Variants in KGD4 observed in about 807,000 individuals in gnomAD.
KGD4 encodes alpha-ketoglutarate dehydrogenase component 4.
At chr5:69,226,808 A>G in the KGD4 span, among the ~76,000 whole-genome samples, 1 of 152,072 alleles carries the variant, frequency 6.6e-6, no homozygotes, top group African/African-American at 2.4e-5. Context: ...AGATCATGCC[A>G]CTGCACTCCA....
the KGD4 span, among the ~76,000 whole-genome samples, chr5:69,225,359 G>A: frequency 8.9e-4 from 134 of 149,776 alleles, no homozygotes; most frequent in African/African-American, 3.1e-3. Flanking sequence ...TGCCTCCTGC[G>A]TTCAAGCGAT....
chr5:69,223,826 C>T, the KGD4 span, among the ~76,000 whole-genome samples: 41 of 151,318 alleles, frequency 2.7e-4, 1 homozygote, highest in South Asian at 2.1e-4. Context: ...TTTGGGAGGC[C>T]GTTCGAAACC....
the KGD4 span, among the ~76,000 whole-genome samples, chr5:69,219,305 C>CACAT: frequency 6.6e-6 from 1 of 152,090 alleles, no homozygotes; most frequent in Non-Finnish European, 1.5e-5. Context: ...GAAGTGAATG[C>CACAT]ACATACTGTC....
the KGD4 span, among the ~76,000 whole-genome samples, chr5:69,224,905 T>C: frequency 2.0e-5 from 3 of 151,640 alleles, no homozygotes; most frequent in South Asian, 6.2e-4. Context: ...AAACCCCGTC[T>C]CTACTAAAAG....
At chr5:69,222,828 TC>T in the KGD4 span, among the ~76,000 whole-genome samples, 1 of 149,272 alleles carries the variant, frequency 6.7e-6, no homozygotes, top group African/African-American at 2.5e-5. Flanking sequence ...TCTCTGTCAC[TC>T]AGGCTGGAGT....
the KGD4 span, among the ~76,000 whole-genome samples, chr5:69,222,431 C>T: frequency 1.3e-5 from 2 of 152,124 alleles, no homozygotes; most frequent in Non-Finnish European, 2.9e-5. Context: ...CTTCAGAATA[C>T]TTGGAGCAAT....
At chr5:69,224,971 G>A in the KGD4 span, among the ~76,000 whole-genome samples, 1 of 151,596 alleles carries the variant, frequency 6.6e-6, no homozygotes, top group Non-Finnish European at 1.5e-5. Context: ...CTACTCGGGA[G>A]GCTGGGGCAG....
At chr5:69,225,269 T>TG in the KGD4 span, among the ~76,000 whole-genome samples, 1 of 143,672 alleles carries the variant, frequency 7.0e-6, no homozygotes, top group Non-Finnish European at 1.5e-5. Flanking sequence ...CACATTTTTT[T>TG]TTTTTTTTTT....
chr5:69,228,358 G>C, the KGD4 span: 1 of 1,600,346 alleles, frequency 6.2e-7, no homozygotes, highest in Non-Finnish European at 8.5e-7. Context: ...AAGGAAACTT[G>C]TGTCTCAAGA....
At chr5:69,226,061 G>C in the KGD4 span, among the ~76,000 whole-genome samples, 1 of 152,130 alleles carries the variant, frequency 6.6e-6, no homozygotes, top group Non-Finnish European at 1.5e-5. Context: ...TATAAGTCAT[G>C]CAACATAAAC....
chr5:69,219,095 C>T, the KGD4 span, among the ~76,000 whole-genome samples: 1 of 152,128 alleles, frequency 6.6e-6, no homozygotes, highest in East Asian at 1.9e-4. Context: ...AAATTAAAAC[C>T]ATGAGGTCCT....
chr5:69,222,933 G>A, the KGD4 span, among the ~76,000 whole-genome samples: 23 of 151,230 alleles, frequency 1.5e-4, no homozygotes, highest in Admixed American at 1.2e-3. Context: ...CCACCACCAC[G>A]CCCGGCTAAT....
chr5:69,220,239 C>A, the KGD4 span, among the ~76,000 whole-genome samples: 23 of 149,316 alleles, frequency 1.5e-4, no homozygotes, highest in East Asian at 2.0e-3. Context: ...AAAAAAAAAA[C>A]AAAAAAACAT....
At chr5:69,220,387 G>A in the KGD4 span, among the ~76,000 whole-genome samples, 1 of 152,066 alleles carries the variant, frequency 6.6e-6, no homozygotes, top group Admixed American at 6.6e-5. Flanking sequence ...TGGGCACGGT[G>A]GCTCACACCT....
chr5:69,229,144 C>T, the KGD4 span: 3 of 1,386,202 alleles, frequency 2.2e-6, no homozygotes, highest in Non-Finnish European at 2.0e-6. Context: ...TGTAAAATTG[C>T]CATCAAAACA....
At chr5:69,227,870 G>A in the KGD4 span, among the ~76,000 whole-genome samples, 1 of 152,210 alleles carries the variant, frequency 6.6e-6, no homozygotes, top group Admixed American at 6.5e-5. Flanking sequence ...ACTACTCACA[G>A]GCTGAGGTGG....
the KGD4 span, among the ~76,000 whole-genome samples, chr5:69,218,270 G>A: frequency 6.6e-6 from 1 of 152,234 alleles, no homozygotes; most frequent in Non-Finnish European, 1.5e-5. Flanking sequence ...GAAGGCGGTA[G>A]CGGGGCGTGG....
At chr5:69,226,426 C>A in the KGD4 span, 6 of 1,472,374 alleles carry the variant, frequency 4.1e-6, no homozygotes, top group Non-Finnish European at 5.6e-6. Context: ...ATTTAAATTT[C>A]TTTTAAAATT....
At chr5:69,218,035 G>C in the KGD4 span, 1 of 1,154,880 alleles carries the variant, frequency 8.7e-7, no homozygotes, top group Non-Finnish European at 1.2e-6. Flanking sequence ...GGGACTTTGA[G>C]CCTGTTGGAC....
Sources: gnomAD v4.1 joint callset for allele counts (sites outside exome capture counted in the v4.1 genomes callset) on GRCh38, gnomAD v4.1.1 for gene constraint, MANE v1.5 for transcripts, NCBI Gene and HGNC (gene_info 2026-07-23, HGNC 2026-07-21) for gene names.